Variants in DOCK8 observed in about 807,000 individuals in gnomAD.
The protein encoded by DOCK8 is dedicator of cytokinesis 8.
DOCK8 carries 141 observed loss-of-function variants against 245.6 expected under a neutral mutation model. The ratio of observed to expected loss-of-function variants is 0.57; its 90% CI spans 0.50 to 0.66. DOCK8 has a LOEUF of 0.66. Among genes scored for constraint, DOCK8 ranks in the 30% least tolerant of loss-of-function variants. The pLI is 0.00. For missense variants in DOCK8, 2,965 were observed against 2,603.4 expected (o/e 1.14, Z -3.02); for synonymous variants, 1,168 against 970.2 (o/e 1.20, Z -3.79).
intron 1 of DOCK8, among the ~76,000 whole-genome samples, chr9:262,244 G>A (rs936939503): frequency 6.6e-6 from 1 of 151,834 alleles, no homozygotes; most frequent in South Asian, 2.1e-4. Context: ...ACAACACCAA[G>A]TATTGTTGAA....
chr9:400,043 CCTCCACCAT>C (rs2054712808), intron 26 of DOCK8, among the ~76,000 whole-genome samples: 1 of 124,090 alleles, frequency 8.1e-6, no homozygotes, highest in African/African-American at 3.4e-5. Flanking sequence ...ACCACCACCA[CCTCCACCAT>C]CACCACCTCC....
chr9:339,122 C>T (rs2051453193), intron 13 of DOCK8, 23 bp downstream of exon 13: 1 of 1,602,750 alleles, frequency 6.2e-7, no homozygotes, highest in East Asian at 2.2e-5. Flanking sequence ...TATCTTTATC[C>T]TCTTTAGCTG....
chr9:399,859 G>A (rs973250386), intron 26 of DOCK8, among the ~76,000 whole-genome samples: 6 of 151,878 alleles, frequency 4.0e-5, no homozygotes, highest in East Asian at 1.9e-4. Context: ...AGTTATTGTT[G>A]CTGCTCCTCT....
rs373090896 is a variant in DOCK8 at position 328,116 on chromosome 9, G to C, written c.989G>C (p.Arg330Thr). 3 of 1,614,062 alleles carry C rather than the reference G, an allele frequency of 1.9e-6. No individual in the cohort carries two copies. Among genetic ancestry groups the C allele is most frequent in the African/African-American group, 2.7e-5 (2 of 74,930 alleles). ...TPSVAASSQA[R>T]SAVFSVTYPS... ...TCAGTGGCCGCATCAAGTCAGGCGA[G>C]ATCTGCAGTCTTCTCAGTCACCTAC... The change falls in exon 9 of 48, where the codon AGA becomes ACA. Residue 330 changes from arginine (R) to threonine (T), a missense_variant. Physicochemically the swap from Arg to Thr is moderately conservative, Grantham distance 71. Coordinates refer to ENST00000432829, the MANE Select transcript of DOCK8 (RefSeq NM_203447.4).
At chr9:453,562 G>A (rs974368653) in intron 46 of DOCK8, among the ~76,000 whole-genome samples, 1 of 152,140 alleles carries the variant, frequency 6.6e-6, no homozygotes, top group Non-Finnish European at 1.5e-5. Context: ...AAGTAGCTGG[G>A]ACTACAGACG....
At chr9:415,252 G>T (rs1351594114) in intron 29 of DOCK8, among the ~76,000 whole-genome samples, 1 of 152,146 alleles carries the variant, frequency 6.6e-6, no homozygotes, top group African/African-American at 2.4e-5. Context: ...CACAAAGGAT[G>T]AAATAATAAC....
At chr9:431,140 C>T (rs1039197710) in intron 36 of DOCK8, among the ~76,000 whole-genome samples, 3 of 152,072 alleles carry the variant, frequency 2.0e-5, no homozygotes, top group Non-Finnish European at 4.4e-5. Context: ...CCCCAAAGTA[C>T]TGAGATTATA....
intron 25 of DOCK8, among the ~76,000 whole-genome samples, chr9:397,265 T>A (rs1323267851): frequency 2.0e-5 from 3 of 150,238 alleles, no homozygotes; most frequent in Non-Finnish European, 4.4e-5. Flanking sequence ...GCAAGAGAAC[T>A]GCTTGAACCT....
chr9:343,477 C>G (rs1207673103), intron 14 of DOCK8, among the ~76,000 whole-genome samples: 2 of 147,668 alleles, frequency 1.4e-5, no homozygotes, highest in African/African-American at 5.2e-5. Flanking sequence ...AGAGTGAGAC[C>G]CTATCTCTAA....
chr9:403,978 GTATA>G (rs1252297249), intron 26 of DOCK8, among the ~76,000 whole-genome samples: 1 of 65,212 alleles, frequency 1.5e-5, no homozygotes, highest in Non-Finnish European at 2.5e-5. Flanking sequence ...ATATATATGT[GTATA>G]TATATATATG....
chr9:227,817 A>G (rs943709402), intron 1 of DOCK8, among the ~76,000 whole-genome samples: 6 of 152,154 alleles, frequency 3.9e-5, no homozygotes, highest in Non-Finnish European at 7.3e-5. Context: ...ATGGGCCTAG[A>G]GGAAGAGTCA....
intron 6 of DOCK8, chr9:312,541 C>T (rs966397482): frequency 5.0e-6 from 2 of 397,662 alleles, no homozygotes; most frequent in Non-Finnish European, 9.8e-6. Flanking sequence ...ACATACATTA[C>T]TTAAACTTTG....
intron 2 of DOCK8, chr9:272,949 T>C (rs935466032): frequency 2.9e-5 from 22 of 754,450 alleles, no homozygotes; most frequent in Non-Finnish European, 3.6e-5. Context: ...CTGCTGCTTA[T>C]CTTGAAGAGG....
At chr9:452,235 T>A (rs1215654635) in intron 46 of DOCK8, 118 bp downstream of exon 46, 2 of 685,804 alleles carry the variant, frequency 2.9e-6, no homozygotes, top group East Asian at 3.0e-5. Flanking sequence ...TCAGGCACCC[T>A]CCAGACCTGC....
chr9:444,335 A>AAT (rs2057181875), intron 43 of DOCK8, among the ~76,000 whole-genome samples: 9 of 143,622 alleles, frequency 6.3e-5, no homozygotes, highest in African/African-American at 2.3e-4. Context: ...AAAACAAAGC[A>AAT]AATAATAATA....
rs77388206 is a variant in DOCK8, at chr9:294,513, C to G, written c.404+4932C>G. 1.0e-2 allele frequency among the ~76,000 whole-genome samples: 1,518 copies of G among 152,344 alleles called. 23 individuals carry two copies. Among genetic ancestry groups the G allele is most frequent in the African/African-American group, 0.035 (1,436 of 41,570 alleles). ...TTTAATCTGGAAGCTATTACACCTA[C>G]TTTCTGAATACAGTTTCCTATCACC... On this transcript the variant is annotated intron_variant, in intron 4 of 47. Transcript: ENST00000432829.
chr9:231,590 G>A (rs922024602), intron 1 of DOCK8, among the ~76,000 whole-genome samples: 1 of 152,080 alleles, frequency 6.6e-6, no homozygotes, highest in Non-Finnish European at 1.5e-5. Flanking sequence ...GCAGTGGTTT[G>A]TAGTTCTTGA....
intron 7 of DOCK8, among the ~76,000 whole-genome samples, chr9:319,011 T>C (rs548797093): frequency 6.6e-6 from 1 of 152,294 alleles, no homozygotes; most frequent in Non-Finnish European, 1.5e-5. Flanking sequence ...AAAATGTTAA[T>C]GGAGGCCAAG....
At chr9:355,839 A>T (rs1049847975) in intron 14 of DOCK8, among the ~76,000 whole-genome samples, 9 of 152,172 alleles carry the variant, frequency 5.9e-5, no homozygotes, top group Non-Finnish European at 1.3e-4. Flanking sequence ...ATCTACATAC[A>T]TATTATCAAA....
Sources: allele counts gnomAD v4.1 joint callset (sites outside exome capture counted in the v4.1 genomes callset), GRCh38; gene constraint gnomAD v4.1.1; transcripts MANE v1.5; gene names NCBI Gene and HGNC (gene_info 2026-07-23, HGNC 2026-07-21).